The following CADM2 variants were observed in gnomAD, a reference collection of about 807,000 sequenced individuals.
The protein encoded by CADM2 is cell adhesion molecule 2.
In CADM2, 12 loss-of-function variants were observed where a neutral mutation model predicts 49.8. The ratio of observed to expected loss-of-function variants is 0.24; its 90% CI spans 0.15 to 0.39. CADM2 has a LOEUF of 0.39. Among genes scored for constraint, CADM2 ranks in the 10% least tolerant of loss-of-function variants. CADM2 has a pLI of 1.00. For missense variants in CADM2, 378 were observed against 492.3 expected (o/e 0.77, Z 2.20); for synonymous variants, 214 against 175.4 (o/e 1.22, Z -1.74).
intron 1 of CADM2, among the ~76,000 whole-genome samples, chr3:85,121,863 A>G (rs1390603362): frequency 6.6e-6 from 1 of 152,162 alleles, no homozygotes; most frequent in African/African-American, 2.4e-5. Flanking sequence ...GTTATTTGGC[A>G]TAAATGAATT....
intron 1 of CADM2, among the ~76,000 whole-genome samples, chr3:85,199,333 T>TTGTGTGTGTGTGTGTG (rs35067183): frequency 7.4e-6 from 1 of 134,428 alleles, no homozygotes; most frequent in African/African-American, 3.1e-5. Flanking sequence ...GTAACTCTCT[T>TTGTGTGTGTGTGTGTG]TGTGTGTGTG....
intron 1 of CADM2, among the ~76,000 whole-genome samples, chr3:85,590,009 C>T (rs1204875307): frequency 6.6e-6 from 1 of 151,912 alleles, no homozygotes; most frequent in Non-Finnish European, 1.5e-5. Context: ...TCTTAAGAGA[C>T]ACTTTTGTGG....
intron 6 of CADM2, among the ~76,000 whole-genome samples, chr3:85,914,085 T>A (rs1297857477): frequency 1.3e-5 from 2 of 152,312 alleles, no homozygotes; most frequent in East Asian, 1.9e-4. Context: ...TGCTTATTTT[T>A]AAATTATTCT....
At chr3:85,051,143 ACT>A (rs2035867386) in intron 1 of CADM2, among the ~76,000 whole-genome samples, 1 of 152,164 alleles carries the variant, frequency 6.6e-6, no homozygotes, top group Non-Finnish European at 1.5e-5. Context: ...ACATTCAAAA[ACT>A]TTGTAGAAGT....
chr3:85,336,012 C>T (rs969903593), intron 1 of CADM2, among the ~76,000 whole-genome samples: 5 of 151,416 alleles, frequency 3.3e-5, no homozygotes, highest in African/African-American at 9.7e-5. Context: ...TGAAAGAAAC[C>T]GTGAACATAT....
chr3:85,756,826 C>A (rs1034096891), intron 2 of CADM2, among the ~76,000 whole-genome samples: 1 of 152,058 alleles, frequency 6.6e-6, no homozygotes, highest in African/African-American at 2.4e-5. Context: ...TGAATCAACT[C>A]TATGATTTTA....
At chr3:85,741,844 T>G (rs1461757924) in intron 2 of CADM2, among the ~76,000 whole-genome samples, 1 of 152,230 alleles carries the variant, frequency 6.6e-6, no homozygotes, top group Admixed American at 6.5e-5. Flanking sequence ...CCTTAAAAAA[T>G]CATTCTATAC....
intron 1 of CADM2, among the ~76,000 whole-genome samples, chr3:85,633,603 A>G (rs960445109): frequency 6.6e-6 from 1 of 152,026 alleles, no homozygotes; most frequent in African/African-American, 2.4e-5. Flanking sequence ...ACATTGTTTC[A>G]ATATGCAGTC....
At chr3:85,786,452 C>T (rs939811911) in intron 2 of CADM2, among the ~76,000 whole-genome samples, 46 of 152,108 alleles carry the variant, frequency 3.0e-4, no homozygotes, top group African/African-American at 1.1e-3. Flanking sequence ...AGGGCTTGAA[C>T]ATCAAAGCAT....
At chr3:85,442,077 A>G (rs1298789442) in intron 1 of CADM2, among the ~76,000 whole-genome samples, 2 of 152,070 alleles carry the variant, frequency 1.3e-5, no homozygotes, top group Non-Finnish European at 1.5e-5. Context: ...AAAATAGGCA[A>G]AATCTACCCA....
chr3:85,573,942 A>G (rs960316669), intron 1 of CADM2, among the ~76,000 whole-genome samples: 6 of 152,082 alleles, frequency 3.9e-5, no homozygotes, highest in Non-Finnish European at 8.8e-5. Flanking sequence ...CATGTGAAGC[A>G]TGTTTGAAAT....
At chr3:84,964,881 GT>G (rs1197721335) in intron 1 of CADM2, among the ~76,000 whole-genome samples, 21 of 152,200 alleles carry the variant, frequency 1.4e-4, no homozygotes, top group Non-Finnish European at 2.9e-4. Flanking sequence ...CTCATACTTT[GT>G]CAAGTCACAT....
chr3:85,013,143 A>T (rs771019144), intron 1 of CADM2, among the ~76,000 whole-genome samples: 15 of 33,010 alleles, frequency 4.5e-4, no homozygotes, highest in Non-Finnish European at 6.5e-4. Flanking sequence ...ACTGGAAATT[A>T]AAAAAAAAAA....
intron 1 of CADM2, among the ~76,000 whole-genome samples, chr3:85,602,714 G>T (rs975529115): frequency 5.9e-5 from 9 of 151,750 alleles, no homozygotes; most frequent in East Asian, 5.8e-4. Flanking sequence ...TTTGGTGAAA[G>T]TGTCATCAAC....
chr3:85,293,923 T>C (rs1418726330), intron 1 of CADM2, among the ~76,000 whole-genome samples: 3 of 152,016 alleles, frequency 2.0e-5, no homozygotes, highest in Admixed American at 2.0e-4. Flanking sequence ...AACATAGTGT[T>C]GGAAGTTCTG....
At chr3:85,675,575 C>T (rs1482427136) in intron 1 of CADM2, among the ~76,000 whole-genome samples, 2 of 152,068 alleles carry the variant, frequency 1.3e-5, no homozygotes, top group Admixed American at 6.5e-5. Flanking sequence ...TCTAACACCC[C>T]GATAGAATTC....
intron 1 of CADM2, among the ~76,000 whole-genome samples, chr3:85,023,773 A>AT (rs201262733): frequency 0.011 from 1,670 of 152,034 alleles, 28 homozygotes; most frequent in African/African-American, 0.038. Flanking sequence ...CATTTTTATC[A>AT]TTTTTTTAAA....
At chr3:85,974,920 C>A (rs997708607) in intron 8 of CADM2, among the ~76,000 whole-genome samples, 2 of 151,582 alleles carry the variant, frequency 1.3e-5, no homozygotes. Context: ...TATTACAATT[C>A]AAACTTTATG....
At chr3:85,288,038 T>C (rs910046743) in intron 1 of CADM2, among the ~76,000 whole-genome samples, 2 of 151,918 alleles carry the variant, frequency 1.3e-5, no homozygotes, top group African/African-American at 4.8e-5. Flanking sequence ...ATGGCACATG[T>C]ATACATATGT....
Sources: allele counts gnomAD v4.1 joint callset (sites outside exome capture counted in the v4.1 genomes callset), GRCh38; gene constraint gnomAD v4.1.1; transcripts MANE v1.5; gene names NCBI Gene and HGNC (gene_info 2026-07-23, HGNC 2026-07-21).